CPNE8: variants seen among roughly 807,000 people sequenced by gnomAD.
CPNE8 encodes the protein copine-8.
CPNE8 carries 45 observed loss-of-function variants against 81.5 expected under a neutral mutation model. That is an observed-to-expected ratio of 0.55 (90% confidence interval 0.44 to 0.71). The LOEUF is 0.71. Ranked by LOEUF, CPNE8 falls within the 30% of genes least tolerant of loss-of-function variation. CPNE8 has a pLI of 0.00. For synonymous variants in CPNE8, 252 were observed against 226.3 expected (o/e 1.11, Z -1.02); for missense variants, 594 against 672.1 (o/e 0.88, Z 1.28).
intron 4 of CPNE8, among the ~76,000 whole-genome samples, chr12:38,845,740 G>C (rs1236226638): frequency 1.3e-5 from 2 of 152,102 alleles, no homozygotes; most frequent in Admixed American, 1.3e-4. Flanking sequence ...TATTATGTGA[G>C]TATTCTAAAA....
intron 17 of CPNE8, 65 bp downstream of exon 17, chr12:38,677,386 TA>T: frequency 2.3e-6 from 2 of 853,186 alleles, no homozygotes; most frequent in Non-Finnish European, 4.1e-6. Context: ...GAATAGACTC[TA>T]GTCTCTCTCT....
chr12:38,679,771 T>G (rs930260154), intron 16 of CPNE8: 15 of 765,164 alleles, frequency 2.0e-5, no homozygotes, highest in Admixed American at 6.3e-5. Context: ...AGCCTTTTAT[T>G]TTAAAGTATT....
intron 4 of CPNE8, among the ~76,000 whole-genome samples, chr12:38,848,238 G>C (rs1943587984): frequency 6.6e-6 from 1 of 152,132 alleles, no homozygotes; most frequent in African/African-American, 2.4e-5. Flanking sequence ...AGATCTGAGA[G>C]ACATCAGCCA....
Position 38,676,911 on chromosome 12 carries a change from C to A in CPNE8, c.1374+541G>T, listed in dbSNP as rs150058816. ...GTATTTATCAAATGTCTACTTCGTG[C>A]CAAACATTGCTAAACCTAGAGACTT... On this transcript the variant is annotated intron_variant, in intron 17 of 19. Coordinates refer to ENST00000331366, the MANE Select transcript of CPNE8 (RefSeq NM_153634.3). 4.7e-3 allele frequency among the ~76,000 whole-genome samples: 715 copies of A among 152,148 alleles called. 5 individuals are homozygous for A. Among genetic ancestry groups the A allele is most frequent in the African/African-American group, 0.016 (664 of 41,492 alleles).
intron 7 of CPNE8, among the ~76,000 whole-genome samples, chr12:38,773,419 C>T (rs1045736157): frequency 1.4e-4 from 21 of 152,002 alleles, no homozygotes; most frequent in African/African-American, 3.9e-4. Flanking sequence ...GGGTATATAC[C>T]TGTCTCCAGA....
chr12:38,689,831 C>T (rs946167420), intron 15 of CPNE8, among the ~76,000 whole-genome samples: 5 of 152,154 alleles, frequency 3.3e-5, no homozygotes, highest in Non-Finnish European at 5.9e-5. Flanking sequence ...CGCACTATTG[C>T]GTTTTCAGTT....
At chr12:38,866,496 T>A (rs1943915458) in intron 3 of CPNE8, among the ~76,000 whole-genome samples, 1 of 152,226 alleles carries the variant, frequency 6.6e-6, no homozygotes, top group South Asian at 2.1e-4. Context: ...TCCTCTCTCC[T>A]GTATCATTAG....
chr12:38,841,509 G>A (rs1191686717), intron 4 of CPNE8, among the ~76,000 whole-genome samples: 1 of 152,104 alleles, frequency 6.6e-6, no homozygotes, highest in Non-Finnish European at 1.5e-5. Context: ...ATTTCCAAAT[G>A]GCCTGAATGT....
intron 13 of CPNE8, among the ~76,000 whole-genome samples, chr12:38,710,950 C>T (rs1474375602): frequency 2.6e-5 from 4 of 152,148 alleles, no homozygotes; most frequent in African/African-American, 9.7e-5. Flanking sequence ...TCTGTTTCTC[C>T]TGCTCCCAGC....
At chr12:38,761,360 G>A (rs1941566933) in intron 9 of CPNE8, among the ~76,000 whole-genome samples, 3 of 152,146 alleles carry the variant, frequency 2.0e-5, no homozygotes, top group Non-Finnish European at 2.9e-5. Flanking sequence ...GCTGACTGAT[G>A]CTGCTAATCA....
At chr12:38,809,716 C>T (rs372163570) in intron 6 of CPNE8, among the ~76,000 whole-genome samples, 38 of 152,270 alleles carry the variant, frequency 2.5e-4, no homozygotes, top group African/African-American at 8.4e-4. Flanking sequence ...CAAAAATCTT[C>T]CCTAAATCTA....
intron 1 of CPNE8, among the ~76,000 whole-genome samples, chr12:38,879,069 A>C (rs1944109962): frequency 6.6e-6 from 1 of 152,248 alleles, no homozygotes; most frequent in South Asian, 2.1e-4. Context: ...TATATAATTT[A>C]AGTGATCTAA....
intron 5 of CPNE8, among the ~76,000 whole-genome samples, chr12:38,831,756 A>G (rs1361543417): frequency 3.9e-5 from 6 of 152,226 alleles, no homozygotes; most frequent in Non-Finnish European, 5.9e-5. Context: ...GTCTCATGAC[A>G]GCTAGAAAGA....
At position 38,666,965 on chromosome 12, in the gene CPNE8, C is replaced by T. The variant is rs368426681; in HGVS notation, c.1506+3764G>A. On this transcript the variant is annotated intron_variant, in intron 19 of 19. Coordinates refer to ENST00000331366, the MANE Select transcript of CPNE8 (RefSeq NM_153634.3). ...GTGATTTAATTCTATAGCTCTTAGC[C>T]TGCCTAGCACATGAAACACTTAATA... Among the ~76,000 whole-genome samples, 16 of 152,222 alleles carry T rather than the reference C, an allele frequency of 1.1e-4. No individual in the cohort carries two copies. The East Asian group carries it at 1.9e-3, about 18-fold the overall frequency.
intron 1 of CPNE8, among the ~76,000 whole-genome samples, chr12:38,885,709 T>C (rs1029008018): frequency 2.6e-5 from 4 of 152,152 alleles, no homozygotes; most frequent in African/African-American, 9.7e-5. Flanking sequence ...ATTGTTTGGC[T>C]CTATGTCCCC....
intron 6 of CPNE8, among the ~76,000 whole-genome samples, chr12:38,786,172 TA>T (rs1942181969): frequency 6.6e-6 from 1 of 152,026 alleles, no homozygotes; most frequent in African/African-American, 2.4e-5. Context: ...GAAACACACT[TA>T]ACTTATAAAG....
At position 38,654,065 on chromosome 12, in the gene CPNE8, C is replaced by T; in HGVS notation, c.1512G>A (p.Val504=). 1.3e-6 allele frequency: 2 copies of T among 1,597,302 alleles called. No individual in the cohort carries two copies. The highest frequency in any genetic ancestry group is 1.7e-6 in the Non-Finnish European group (2 of 1,172,174). The change falls in exon 20 of 20, where the codon GTG becomes GTA. Residue 504 remains valine, a synonymous_variant. Coordinates refer to ENST00000331366, the MANE Select transcript of CPNE8 (RefSeq NM_153634.3). ...KYAERDIVQF[V]PFRDYIDRSG... ...TTCTGTCAATATAATCCCTGAATGG[C>T]ACAAACTAAAACAGAGACGAAAGAA...
chr12:38,899,338 T>C (rs537929461), intron 1 of CPNE8, among the ~76,000 whole-genome samples: 1 of 152,164 alleles, frequency 6.6e-6, no homozygotes, highest in East Asian at 1.9e-4. Flanking sequence ...TCACTCTCTG[T>C]AGGCCATGTG....
chr12:38,716,087 C>T (rs977781305), intron 13 of CPNE8, among the ~76,000 whole-genome samples: 5 of 151,718 alleles, frequency 3.3e-5, no homozygotes, highest in Non-Finnish European at 1.5e-5. Flanking sequence ...GAATATGCTT[C>T]AGCAAGGAAG....
Sources: allele counts gnomAD v4.1 joint callset (sites outside exome capture counted in the v4.1 genomes callset), GRCh38; gene constraint gnomAD v4.1.1; transcripts MANE v1.5; gene names NCBI Gene and HGNC (gene_info 2026-07-23, HGNC 2026-07-21).